Variants in MOB3B observed in about 807,000 individuals in gnomAD.
The protein encoded by MOB3B is MOB kinase activator-like 2B.
In MOB3B, 7 loss-of-function variants were observed where a neutral mutation model predicts 18.7. The observed-to-expected ratio is 0.37, with a 90% CI of 0.21 to 0.70. The LOEUF is 0.70. Among genes scored for constraint, MOB3B ranks in the 30% least tolerant of loss-of-function variants. The pLI is 0.52. For synonymous variants in MOB3B, 111 were observed against 99.9 expected (o/e 1.11, Z -0.66); for missense variants, 253 against 281.3 (o/e 0.90, Z 0.72).
intron 2 of MOB3B, among the ~76,000 whole-genome samples, chr9:27,453,905 G>T (rs1005406775): frequency 6.6e-6 from 1 of 152,084 alleles, no homozygotes; most frequent in African/African-American, 2.4e-5. Flanking sequence ...TTAATATTAT[G>T]CCCAGGGGAG....
At chr9:27,529,497 G>T in intron 1 of MOB3B, 58 bp downstream of exon 1, 1 of 965,266 alleles carries the variant, frequency 1.0e-6, no homozygotes, top group East Asian at 1.2e-4. Context: ...GCGAGATCGG[G>T]AGCGAGCAGC....
intron 2 of MOB3B, among the ~76,000 whole-genome samples, chr9:27,380,483 C>T (rs929072748): frequency 3.3e-5 from 5 of 152,086 alleles, no homozygotes; most frequent in East Asian, 3.9e-4. Context: ...GTGATCCACC[C>T]GCCTCGGCCT....
rs895792889 is a variant in MOB3B, at chr9:27,496,121, G to C, written c.-199+33434C>G. On this transcript the variant is annotated intron_variant, in intron 1 of 3. Transcript: ENST00000262244. Reference sequence around the variant, plus strand: ...ACGAGCAAAAAAACTCTCATTACTTGTATGACAAAATACAGCAAGTATTCC... The same window carrying C: ...ACGAGCAAAAAAACTCTCATTACTTCTATGACAAAATACAGCAAGTATTCC... 1.7e-4 allele frequency among the ~76,000 whole-genome samples: 26 copies of C among 152,168 alleles called. 1 individual carries two copies. Among genetic ancestry groups the C allele is most frequent in the African/African-American group, 6.3e-4 (26 of 41,424 alleles).
intron 3 of MOB3B, among the ~76,000 whole-genome samples, chr9:27,331,740 T>C (rs1820793305): frequency 6.6e-6 from 1 of 152,146 alleles, no homozygotes. Context: ...ATCTTCCAAG[T>C]TCTACCTGCT....
At chr9:27,511,645 A>G (rs912996197) in intron 1 of MOB3B, among the ~76,000 whole-genome samples, 2 of 152,228 alleles carry the variant, frequency 1.3e-5, no homozygotes, top group African/African-American at 4.8e-5. Context: ...TAGCCTTGAA[A>G]AGAATTTAAA....
chr9:27,513,789 G>A (rs1311049576), intron 1 of MOB3B, among the ~76,000 whole-genome samples: 2 of 152,120 alleles, frequency 1.3e-5, no homozygotes, highest in African/African-American at 4.8e-5. Flanking sequence ...ATTGTTTGAA[G>A]ACTGGGACAC....
At chr9:27,489,768 A>G (rs542684192) in intron 1 of MOB3B, among the ~76,000 whole-genome samples, 2 of 6,418 alleles carry the variant, frequency 3.1e-4, no homozygotes, top group Admixed American at 6.0e-3. Flanking sequence ...CCAACAGGGC[A>G]CTAAGGCTCA....
intron 1 of MOB3B, among the ~76,000 whole-genome samples, chr9:27,475,093 G>C (rs1030991597): frequency 1.1e-4 from 17 of 152,102 alleles, no homozygotes; most frequent in Admixed American, 3.3e-4. Context: ...TCGCTTTGAT[G>C]ATGCCAGCTG....
At chr9:27,431,698 G>T (rs913116000) in intron 2 of MOB3B, among the ~76,000 whole-genome samples, 2 of 152,232 alleles carry the variant, frequency 1.3e-5, no homozygotes, top group East Asian at 3.8e-4. Context: ...GGTGACTGGG[G>T]ATGTGTGAAG....
At position 27,478,092 on chromosome 9, in the gene MOB3B, T is replaced by C. The variant is rs556744417; in HGVS notation, c.-198-22344A>G. On this transcript the variant is annotated intron_variant, in intron 1 of 3. Coordinates refer to ENST00000262244, the MANE Select transcript of MOB3B (RefSeq NM_024761.5). Reference sequence around the variant, plus strand: ...TAAATAGAACACCAAGCCTATGTCATGCACAAGTGTGTTGCACAAATTTAC... The same window carrying C: ...TAAATAGAACACCAAGCCTATGTCACGCACAAGTGTGTTGCACAAATTTAC... Among the ~76,000 whole-genome samples the C allele has an allele frequency of 4.6e-5, 7 of 152,342 alleles. No homozygotes were observed. The South Asian group carries it at 1.0e-3, about 23-fold the overall frequency.
chr9:27,501,411 C>G (rs1819989471), intron 1 of MOB3B, among the ~76,000 whole-genome samples: 1 of 152,046 alleles, frequency 6.6e-6, no homozygotes, highest in South Asian at 2.1e-4. Context: ...CCATGGAATA[C>G]TATGCAGCCA....
intron 1 of MOB3B, among the ~76,000 whole-genome samples, chr9:27,493,537 A>T (rs931309441): frequency 6.6e-6 from 1 of 152,066 alleles, no homozygotes; most frequent in African/African-American, 2.4e-5. Context: ...GCTACTCGGG[A>T]GGCTGAGGCA....
chr9:27,383,607 T>C (rs1262581203), intron 2 of MOB3B, among the ~76,000 whole-genome samples: 4 of 152,198 alleles, frequency 2.6e-5, no homozygotes, highest in Non-Finnish European at 5.9e-5. Context: ...TATGTGGATA[T>C]GGGTGTAGAG....
chr9:27,353,604 G>A (rs1821140110), intron 3 of MOB3B, among the ~76,000 whole-genome samples: 1 of 152,148 alleles, frequency 6.6e-6, no homozygotes, highest in African/African-American at 2.4e-5. Flanking sequence ...GAGAGAATGA[G>A]AAGGTCCTGG....
rs75657662 is a variant in MOB3B, at chr9:27,356,837, A to G, written c.621+2197T>C. Among the ~76,000 whole-genome samples, 258 of 151,858 alleles carry G rather than the reference A, an allele frequency of 1.7e-3. 3 individuals are homozygous for G. The highest frequency in any genetic ancestry group is 5.9e-3 in the African/African-American group (243 of 41,390). On this transcript the variant is annotated intron_variant, in intron 3 of 3. Transcript: ENST00000262244. ...ACATTTTCTGAAATTAACTTTATCA[A>G]TTGTTTCTAGTCTTAACTCCCTTGA...
At chr9:27,384,620 C>T (rs1488333058) in intron 2 of MOB3B, among the ~76,000 whole-genome samples, 1 of 152,224 alleles carries the variant, frequency 6.6e-6, no homozygotes, top group Non-Finnish European at 1.5e-5. Flanking sequence ...AGAACTCATT[C>T]TTCCACAGAA....
In MOB3B at chr9:27,368,353, TACACACACACACAC is replaced by T. The variant is rs138287792; in HGVS notation, c.419-9131_419-9118del. On this transcript the variant is annotated intron_variant, in intron 2 of 3. Coordinates refer to ENST00000262244, the MANE Select transcript of MOB3B (RefSeq NM_024761.5). ...ATACATATATATACACACACATACA[TACACACACACACAC>T]ACACACACACACACACACATACAGA... Among the ~76,000 whole-genome samples, 138 of 145,988 alleles carry T rather than the reference TACACACACACACAC, an allele frequency of 9.5e-4. 1 individual carries two copies. Among genetic ancestry groups the T allele is most frequent in the Non-Finnish European group, 1.9e-3 (122 of 65,880 alleles).
At position 27,330,579 on chromosome 9, in the gene MOB3B, G is replaced by A. The variant is rs1820771907; in HGVS notation, c.*8C>T. The A allele has an allele frequency of 1.2e-6, 2 of 1,613,938 alleles. No individual in the cohort carries two copies. The highest frequency in any genetic ancestry group is 1.1e-5 in the South Asian group (1 of 90,988). On this transcript the variant is annotated 3_prime_UTR_variant, in exon 4 of 4. Coordinates refer to ENST00000262244, the MANE Select transcript of MOB3B (RefSeq NM_024761.5). ...GCTTTCCTTTCTTCCAAAGGGTGAG[G>A]TGGAGCATTAGTGACACATCCTGCT...
At chr9:27,433,758 T>G (rs1189737753) in intron 2 of MOB3B, among the ~76,000 whole-genome samples, 2 of 152,172 alleles carry the variant, frequency 1.3e-5, no homozygotes, top group African/African-American at 4.8e-5. Context: ...ATTCTTAATT[T>G]ATGGCTTAGG....
Sources: gnomAD v4.1 joint callset for allele counts (sites outside exome capture counted in the v4.1 genomes callset) on GRCh38, gnomAD v4.1.1 for gene constraint, MANE v1.5 for transcripts, NCBI Gene and HGNC (gene_info 2026-07-23, HGNC 2026-07-21) for gene names.